CACNA2D3: variants seen among roughly 807,000 people sequenced by gnomAD.
CACNA2D3 encodes voltage-dependent calcium channel subunit alpha-2/delta-3.
CACNA2D3 carries 60 observed loss-of-function variants against 160.6 expected under a neutral mutation model. That is an observed-to-expected ratio of 0.37 (90% CI 0.30 to 0.46). CACNA2D3 has a LOEUF of 0.46. Among genes scored for constraint, CACNA2D3 ranks in the 20% least tolerant of loss-of-function variants. The probability of loss-of-function intolerance (pLI) is 1.00; values close to 1 mark genes in which losing one functional copy is unlikely to be tolerated. For synonymous variants in CACNA2D3, 558 were observed against 492.9 expected (o/e 1.13, Z -1.75); for missense variants, 1,205 against 1,365.0 (o/e 0.88, Z 1.85).
At chr3:54,941,521 G>A (rs1028915384) in intron 27 of CACNA2D3, among the ~76,000 whole-genome samples, 1 of 152,094 alleles carries the variant, frequency 6.6e-6, no homozygotes, top group African/African-American at 2.4e-5. Flanking sequence ...ATAATGCCGG[G>A]ATTATGTGGG....
chr3:54,998,987 C>T (rs1331608307), intron 31 of CACNA2D3, among the ~76,000 whole-genome samples: 7 of 152,254 alleles, frequency 4.6e-5, no homozygotes, highest in Admixed American at 3.3e-4. Context: ...ACCTCATGAT[C>T]CGCCCGCCTT....
intron 8 of CACNA2D3, among the ~76,000 whole-genome samples, chr3:54,577,118 A>G (rs1029061812): frequency 6.6e-6 from 1 of 152,232 alleles, no homozygotes; most frequent in African/African-American, 2.4e-5. Flanking sequence ...ATACTCTTTT[A>G]CTAAGAAAAG....
At chr3:55,072,498 G>A (rs1356685255) in intron 35 of CACNA2D3, among the ~76,000 whole-genome samples, 6 of 152,174 alleles carry the variant, frequency 3.9e-5, no homozygotes, top group East Asian at 1.9e-4. Flanking sequence ...AATTTATTGC[G>A]AGAAAGGCAA....
At chr3:54,564,215 A>C (rs1702373156) in intron 6 of CACNA2D3, among the ~76,000 whole-genome samples, 1 of 152,166 alleles carries the variant, frequency 6.6e-6, no homozygotes, top group East Asian at 1.9e-4. Flanking sequence ...ACCGCAGATC[A>C]CCTGTTGTCT....
intron 33 of CACNA2D3, among the ~76,000 whole-genome samples, chr3:55,009,003 G>A (rs1703157016): frequency 1.3e-5 from 2 of 151,848 alleles, no homozygotes; most frequent in Admixed American, 6.6e-5. Flanking sequence ...TCTTGGTAGA[G>A]GAGAATATTC....
At chr3:54,716,282 T>A (rs1575437585) in intron 11 of CACNA2D3, among the ~76,000 whole-genome samples, 1 of 152,096 alleles carries the variant, frequency 6.6e-6, no homozygotes, top group Non-Finnish European at 1.5e-5. Context: ...TTTGCTAAGG[T>A]TGAGGATACA....
At position 54,998,752 on chromosome 3, in the gene CACNA2D3, T is replaced by TG. The variant is rs1339777298; in HGVS notation, c.2691-6010dup. 5.3e-5 allele frequency among the ~76,000 whole-genome samples: 8 copies of TG among 150,160 alleles called. No individual in the cohort carries two copies. In the South Asian group the frequency reaches 1.7e-3, roughly 31 times the overall value. The stretch of plus-strand genomic sequence containing the variant: ...TGTTTTGTTTTGTTTTGTTTTGTTT[T>TG]GTTTTGTTTTTTGAGATGGAGTCTT... On this transcript the variant is annotated intron_variant, in intron 31 of 37. Coordinates refer to ENST00000474759, the MANE Select transcript of CACNA2D3 (RefSeq NM_018398.3).
intron 27 of CACNA2D3, among the ~76,000 whole-genome samples, chr3:54,968,217 C>G (rs1451844317): frequency 6.6e-6 from 1 of 152,022 alleles, no homozygotes; most frequent in Non-Finnish European, 1.5e-5. Flanking sequence ...AACATGTCTC[C>G]AAAGAGCGAT....
At chr3:55,035,561 C>T (rs1703798042) in intron 35 of CACNA2D3, among the ~76,000 whole-genome samples, 1 of 152,190 alleles carries the variant, frequency 6.6e-6, no homozygotes, top group Non-Finnish European at 1.5e-5. Context: ...TTTCAGTTCA[C>T]AGTAAATCTC....
chr3:54,227,806 C>T (rs568023638), intron 2 of CACNA2D3, among the ~76,000 whole-genome samples: 29 of 152,148 alleles, frequency 1.9e-4, no homozygotes, highest in Non-Finnish European at 3.8e-4. Flanking sequence ...TCCTCGGCCT[C>T]CCAAAGTGCT....
chr3:54,810,923 A>T (rs1161573824), intron 13 of CACNA2D3, among the ~76,000 whole-genome samples: 2 of 152,190 alleles, frequency 1.3e-5, no homozygotes, highest in African/African-American at 2.4e-5. Context: ...TCAGGGCCTC[A>T]GATCTCTTCC....
intron 9 of CACNA2D3, among the ~76,000 whole-genome samples, chr3:54,612,736 A>G (rs774023458): frequency 3.3e-5 from 5 of 152,332 alleles, no homozygotes; most frequent in African/African-American, 1.2e-4. Context: ...AGAAAGAGCA[A>G]GCTCTGGGAA....
intron 2 of CACNA2D3, among the ~76,000 whole-genome samples, chr3:54,176,962 G>A (rs570217623): frequency 1.3e-4 from 20 of 152,302 alleles, no homozygotes; most frequent in Non-Finnish European, 2.1e-4. Context: ...GCCCCATCCT[G>A]GCTGGGTGAC....
intron 9 of CACNA2D3, among the ~76,000 whole-genome samples, chr3:54,591,944 G>C (rs547218262): frequency 1.3e-5 from 2 of 152,156 alleles, no homozygotes; most frequent in African/African-American, 4.8e-5. Flanking sequence ...ATGCTGACAA[G>C]TTCTTATGAC....
chr3:54,547,525 G>A (rs1445969405), intron 5 of CACNA2D3, among the ~76,000 whole-genome samples: 5 of 152,022 alleles, frequency 3.3e-5, no homozygotes, highest in Non-Finnish European at 5.9e-5. Flanking sequence ...ACTCTCCCGT[G>A]GGTAGAGAGC....
At chr3:54,574,681 G>A (rs763761329) in intron 8 of CACNA2D3, among the ~76,000 whole-genome samples, 1 of 152,202 alleles carries the variant, frequency 6.6e-6, no homozygotes, top group Non-Finnish European at 1.5e-5. Context: ...CTAACTTCAA[G>A]CCATGCATTA....
chr3:54,515,346 G>T (rs1432058239), intron 5 of CACNA2D3, among the ~76,000 whole-genome samples: 1 of 152,186 alleles, frequency 6.6e-6, no homozygotes, highest in African/African-American at 2.4e-5. Flanking sequence ...TGAGGAACAT[G>T]TGCTGCTTTT....
chr3:54,992,125 C>T (rs1200266237), intron 31 of CACNA2D3, among the ~76,000 whole-genome samples: 3 of 152,098 alleles, frequency 2.0e-5, no homozygotes, highest in Non-Finnish European at 2.9e-5. Flanking sequence ...CCCAAGAAAT[C>T]GTATATTAAG....
chr3:54,887,138 A>G (rs893153333), intron 23 of CACNA2D3, among the ~76,000 whole-genome samples: 4 of 152,096 alleles, frequency 2.6e-5, no homozygotes, highest in Non-Finnish European at 5.9e-5. Flanking sequence ...AAATGAAACA[A>G]TTCTTGGCCG....
Sources: gnomAD v4.1 joint callset for allele counts (sites outside exome capture counted in the v4.1 genomes callset) on GRCh38, gnomAD v4.1.1 for gene constraint, MANE v1.5 for transcripts, NCBI Gene and HGNC (gene_info 2026-07-23, HGNC 2026-07-21) for gene names.